CACNA1B: variants seen among roughly 807,000 people sequenced by gnomAD.
The protein encoded by CACNA1B is voltage-dependent N-type calcium channel subunit alpha-1B.
In CACNA1B, 70 loss-of-function variants were observed where a neutral mutation model predicts 247.2. That is an observed-to-expected ratio of 0.28 (90% CI 0.23 to 0.35). The LOEUF (loss-of-function observed/expected upper bound fraction) is 0.35, where lower values mean the gene tolerates loss of function less well. CACNA1B is among the 10% of genes least tolerant of loss of function. The probability of loss-of-function intolerance (pLI) is 1.00; values close to 1 mark genes in which losing one functional copy is unlikely to be tolerated. For missense variants in CACNA1B, 2,367 were observed against 3,197.4 expected (o/e 0.74, Z 6.26); for synonymous variants, 1,231 against 1,294.4 (o/e 0.95, Z 1.05).
At chr9:138,045,860 G>A (rs567216693) in intron 21 of CACNA1B, among the ~76,000 whole-genome samples, 18 of 152,340 alleles carry the variant, frequency 1.2e-4, no homozygotes, top group African/African-American at 3.8e-4. Flanking sequence ...AGAGGGAGAT[G>A]TGGGCAGCCG....
intron 15 of CACNA1B, among the ~76,000 whole-genome samples, chr9:138,000,765 G>A (rs1408649488): frequency 5.3e-5 from 8 of 152,050 alleles, no homozygotes; most frequent in Non-Finnish European, 2.9e-5. Context: ...CCTGAATATC[G>A]CCCAACACGG....
At chr9:138,024,473 T>C (rs766084376) in intron 19 of CACNA1B, among the ~76,000 whole-genome samples, 18 of 152,130 alleles carry the variant, frequency 1.2e-4, no homozygotes, top group Non-Finnish European at 2.6e-4. Context: ...TGTGGGTGGG[T>C]CAGCCCCATC....
intron 3 of CACNA1B, among the ~76,000 whole-genome samples, chr9:137,896,263 T>C (rs76854367): frequency 6.6e-6 from 1 of 150,836 alleles, no homozygotes; most frequent in Non-Finnish European, 1.5e-5. Context: ...AAAAAAAAGT[T>C]AGCTGTAGGG....
In CACNA1B at chr9:138,012,162, G is replaced by C. The variant is rs752357678; in HGVS notation, c.2161-967G>C. 6.6e-6 allele frequency among the ~76,000 whole-genome samples: 1 copy of C among 152,220 alleles called. No individual in the cohort carries two copies. Among genetic ancestry groups the C allele is most frequent in the Non-Finnish European group, 1.5e-5 (1 of 68,040 alleles). ...GCACTGCAAGTGGTCACCCAGGAGT[G>C]GGGGAGACAGGGAGAGGCTTCTGAC... On this transcript the variant is annotated intron_variant, in intron 17 of 46. Transcript: ENST00000371372. The surrounding 1 kb of genome is among the most constrained non-coding windows in gnomAD (Gnocchi z 4.2).
In CACNA1B at chr9:138,115,652, C is replaced by G; in HGVS notation, c.5750C>G (p.Ser1917Cys). 3.7e-6 allele frequency: 6 copies of G among 1,613,572 alleles called. No homozygotes were observed. Among genetic ancestry groups the G allele is most frequent in the Non-Finnish European group, 5.1e-6 (6 of 1,179,708 alleles). The change falls in exon 42 of 47, where the codon TCC (serine) becomes TGC (cysteine). Residue 1917 changes from serine to cysteine, a missense_variant. Transcript: ENST00000371372. Reference protein sequence around the residue: ...GARVFLRQKSSTSLSNGGAIQ... With the variant: ...GARVFLRQKSCTSLSNGGAIQ... ...CGGGTTTTCCTTCGACAGAAGAGTT[C>G]CACCTCCCTCAGCAATGGCGGGGCC...
intron 10 of CACNA1B, among the ~76,000 whole-genome samples, chr9:137,969,753 C>A (rs892978152): frequency 6.6e-6 from 1 of 152,162 alleles, no homozygotes; most frequent in Non-Finnish European, 1.5e-5. Flanking sequence ...GTGTGTGACT[C>A]CTGTGTTCCT....
intron 3 of CACNA1B, among the ~76,000 whole-genome samples, chr9:137,900,287 G>A (rs1957217891): frequency 6.6e-6 from 1 of 152,164 alleles, no homozygotes; most frequent in Non-Finnish European, 1.5e-5. Flanking sequence ...TTTGGGTTAG[G>A]GTTAGGGGGC....
intron 18 of CACNA1B, among the ~76,000 whole-genome samples, chr9:138,021,289 C>T (rs998459949): frequency 3.3e-5 from 5 of 152,162 alleles, no homozygotes; most frequent in Admixed American, 6.5e-5. Flanking sequence ...GGTCTGCAGA[C>T]GGCCCCTACA....
Position 137,891,649 on chromosome 9 carries a change from G to A in CACNA1B, c.530+8766G>A, listed in dbSNP as rs994434500. On this transcript the variant is annotated intron_variant, in intron 3 of 46. Coordinates refer to ENST00000371372, the MANE Select transcript of CACNA1B (RefSeq NM_000718.4). This position sits in a 1 kb window ranked among gnomAD's most constrained non-coding sequence, Gnocchi z 4.3. ...TCCTTCTCCTCCTTCACACTGGAGC[G>A]GCAGAGTTGCAGATTCACACTGAGG... 9.4e-6 allele frequency: 2 copies of A among 213,034 alleles called. No individual in the cohort carries two copies. Among genetic ancestry groups the A allele is most frequent in the South Asian group, 7.5e-5 (1 of 13,364 alleles). 13.2% of individuals were successfully genotyped at this position (213,034 alleles called of 1,614,324 possible).
intron 31 of CACNA1B, among the ~76,000 whole-genome samples, chr9:138,065,816 T>C (rs1010831480): frequency 2.0e-5 from 3 of 152,230 alleles, no homozygotes; most frequent in Non-Finnish European, 2.9e-5. Context: ...TGGATGCTAA[T>C]GATATCTTGC....
Position 138,023,723 on chromosome 9 carries a change from AAGG to A in CACNA1B, c.2983_2985del (p.Glu995del). On this transcript the variant is annotated inframe_deletion, in exon 19 of 47. Coordinates refer to ENST00000371372, the MANE Select transcript of CACNA1B (RefSeq NM_000718.4). ...GCAGCCTGCTCACGAGGCTGTGGAG[AAGG>A]AGACCACGGAGAAGGAGGCCACGGA... 1 of 1,010,638 alleles carries A rather than the reference AAGG, an allele frequency of 9.9e-7. No individual in the cohort carries two copies. 62.6% of individuals were successfully genotyped at this position (1,010,638 alleles called of 1,614,324 possible).
intron 44 of CACNA1B, 92 bp downstream of exon 44, chr9:138,118,860 AGCTGGGGTAGAGAG>A: frequency 3.0e-6 from 2 of 662,556 alleles, no homozygotes; most frequent in South Asian, 3.3e-5. Context: ...AGGTGAGGAG[AGCTGGGGTAGAGAG>A]GCTGGGGTCC....
chr9:138,076,836 G>GA (rs1960337901), intron 35 of CACNA1B, among the ~76,000 whole-genome samples: 1 of 152,230 alleles, frequency 6.6e-6, no homozygotes, highest in Non-Finnish European at 1.5e-5. Flanking sequence ...GCGCGCTGGG[G>GA]CGAGCTCAGA....
rs1172288587 is a variant in CACNA1B, at chr9:137,888,693, C to T, written c.530+5810C>T. The stretch of plus-strand genomic sequence containing the variant: ...GAAGAGAGGGTGTGTGGGTGTGTGG[C>T]CGCTGCACCAGGAGGGAGTCTGGTC... On this transcript the variant is annotated intron_variant, in intron 3 of 46. Coordinates refer to ENST00000371372, the MANE Select transcript of CACNA1B (RefSeq NM_000718.4). The surrounding 1 kb of genome is among the most constrained non-coding windows in gnomAD (Gnocchi z 4.7). Among the ~76,000 whole-genome samples the T allele has an allele frequency of 6.6e-6, 1 of 152,212 alleles. No homozygotes were observed. Among genetic ancestry groups the T allele is most frequent in the Non-Finnish European group, 1.5e-5 (1 of 68,034 alleles).
Position 138,073,980 on chromosome 9 carries a change from G to T in CACNA1B, c.4792-21G>T. ...TGGTGGCTGGGAGGTGCCTGTAGCT[G>T]ACCGGCCCCTGTCTCCGCAGGCCCT... On this transcript the variant is annotated intron_variant, in intron 33 of 46. Coordinates refer to ENST00000371372, the MANE Select transcript of CACNA1B (RefSeq NM_000718.4). The surrounding 1 kb of genome is among the most constrained non-coding windows in gnomAD (Gnocchi z 6.4). 6.2e-7 allele frequency: 1 copy of T among 1,606,146 alleles called. No homozygotes were observed. Among genetic ancestry groups the T allele is most frequent in the South Asian group, 1.1e-5 (1 of 90,980 alleles).
In CACNA1B at chr9:138,059,242, C is replaced by T; in HGVS notation, c.4584+53C>T. On this transcript the variant is annotated intron_variant, in intron 30 of 46. Coordinates refer to ENST00000371372, the MANE Select transcript of CACNA1B (RefSeq NM_000718.4). The surrounding 1 kb of genome is among the most constrained non-coding windows in gnomAD (Gnocchi z 4.2). ...TTTGACAACCTATATTCTGGTTCCC[C>T]ATCTGTAGGGCGACCTTTGGGGGCT... 2 of 1,071,342 alleles carry T rather than the reference C, an allele frequency of 1.9e-6. No individual in the cohort carries two copies. The highest frequency in any genetic ancestry group is 2.9e-6 in the Non-Finnish European group (2 of 698,258). The allele number at this position is 1,071,342 out of a possible 1,614,324, so 66.4% of individuals were successfully genotyped here. A position where few individuals can be genotyped will look rare whatever the true frequency, so the allele number is the denominator to read the frequency against.
chr9:138,068,301 G>A (rs903830358), intron 31 of CACNA1B, among the ~76,000 whole-genome samples: 6 of 152,180 alleles, frequency 3.9e-5, no homozygotes, highest in Non-Finnish European at 7.3e-5. Flanking sequence ...TGTGCCGTTC[G>A]TAAAGCTGGG....
At chr9:137,927,686 T>C (rs1957567248) in intron 6 of CACNA1B, among the ~76,000 whole-genome samples, 1 of 152,362 alleles carries the variant, frequency 6.6e-6, no homozygotes, top group South Asian at 2.1e-4. Flanking sequence ...ATATTTGCCA[T>C]GCTCCCAATC....
intron 3 of CACNA1B, among the ~76,000 whole-genome samples, chr9:137,898,386 T>C (rs1460309303): frequency 1.3e-5 from 2 of 152,238 alleles, no homozygotes; most frequent in Non-Finnish European, 2.9e-5. Context: ...TCAGCCATTA[T>C]ATCTTTGAGT....
Sources: allele counts gnomAD v4.1 joint callset (sites outside exome capture counted in the v4.1 genomes callset), GRCh38; gene constraint gnomAD v4.1.1; non-coding constraint Gnocchi (gnomAD v3.1); transcripts MANE v1.5; gene names NCBI Gene and HGNC (gene_info 2026-07-23, HGNC 2026-07-21).